Variants in HMGA2 observed in about 807,000 individuals in gnomAD.
HMGA2 encodes the protein high mobility group protein HMGI-C.
Under a neutral mutation model 19.1 loss-of-function variants are expected in HMGA2, and 8 were observed. That is an observed-to-expected ratio of 0.42 (90% CI 0.25 to 0.76). The LOEUF (loss-of-function observed/expected upper bound fraction) is 0.76, where lower values mean the gene tolerates loss of function less well. Among genes scored for constraint, HMGA2 ranks in the 30% least tolerant of loss-of-function variants. HMGA2 has a pLI of 0.28. For synonymous variants in HMGA2, 60 were observed against 48.8 expected (o/e 1.23, Z -0.96); for missense variants, 109 against 136.3 (o/e 0.80, Z 1.00).
At position 65,827,978 on chromosome 12, in the gene HMGA2, A is replaced by AT. The variant is rs146235774; in HGVS notation, c.112-14dup. 1,270 of 1,491,558 alleles carry AT rather than the reference A, an allele frequency of 8.5e-4. 1 individual carries two copies. Among genetic ancestry groups the AT allele is most frequent in the Non-Finnish European group, 1.0e-3 (1,107 of 1,071,200 alleles). 92.4% of individuals were successfully genotyped at this position (1,491,558 alleles called of 1,614,324 possible). On this transcript the variant is annotated intron_variant, in intron 1 of 4. Transcript: ENST00000403681. Reference sequence around the variant, plus strand: ...TTTCAGACATTCTTGCCACAACAGCATTTTTTTTTCCCTCACAATTAGGAA... The same window carrying AT: ...TTTCAGACATTCTTGCCACAACAGCATTTTTTTTTTCCCTCACAATTAGGAA...
At chr12:65,930,880 A>C (rs1476802619) in intron 3 of HMGA2, among the ~76,000 whole-genome samples, 1 of 152,226 alleles carries the variant, frequency 6.6e-6, no homozygotes, top group African/African-American at 2.4e-5. Flanking sequence ...TATGTGTTAA[A>C]GTTTTGTAAT....
chr12:65,834,164 G>A (rs909183845), intron 2 of HMGA2, among the ~76,000 whole-genome samples: 1 of 152,170 alleles, frequency 6.6e-6, no homozygotes, highest in Non-Finnish European at 1.5e-5. Context: ...ACTACCATGT[G>A]CTGAATGTTC....
At chr12:65,924,909 G>A (rs564936140) in intron 3 of HMGA2, among the ~76,000 whole-genome samples, 260 of 152,192 alleles carry the variant, frequency 1.7e-3, no homozygotes, top group Non-Finnish European at 2.8e-3. Flanking sequence ...CTCTTCTGCC[G>A]TTCTGTCATA....
intron 3 of HMGA2, among the ~76,000 whole-genome samples, chr12:65,939,651 C>T (rs1033259081): frequency 5.3e-5 from 8 of 152,222 alleles, no homozygotes; most frequent in Middle Eastern, 3.4e-3. Context: ...ACACCACGCC[C>T]GGCCACATAC....
In HMGA2 at chr12:65,965,635, C is replaced by T. The variant is rs181750301; in HGVS notation, c.*2343C>T. ...CGTTAAATAAGCAAATAAACAGTGG[C>T]TCATAAAAATAAAAGTCGCATTCCA... On this transcript the variant is annotated 3_prime_UTR_variant, in exon 5 of 5. Transcript: ENST00000403681. 14 of 219,888 alleles carry T rather than the reference C, an allele frequency of 6.4e-5. No homozygotes were observed. In the Admixed American group the frequency reaches 7.5e-4, roughly 12 times the overall value. 13.6% of individuals were successfully genotyped at this position (219,888 alleles called of 1,614,324 possible). A position where few individuals can be genotyped will look rare whatever the true frequency, so the allele number is the denominator to read the frequency against.
At chr12:65,943,306 C>T (rs1876153315) in intron 3 of HMGA2, among the ~76,000 whole-genome samples, 1 of 152,136 alleles carries the variant, frequency 6.6e-6, no homozygotes, top group African/African-American at 2.4e-5. Context: ...TTTTAAAGGG[C>T]TTCCCATTGA....
At chr12:65,882,111 AC>A (rs1360594714) in intron 3 of HMGA2, 1 of 489,254 alleles carries the variant, frequency 2.0e-6, no homozygotes, top group Non-Finnish European at 3.8e-6. Context: ...GGCTGTACTG[AC>A]AAAAGCAACC....
At chr12:65,866,956 T>A (rs1218112552) in intron 3 of HMGA2, 3 of 456,694 alleles carry the variant, frequency 6.6e-6, no homozygotes, top group Admixed American at 2.3e-5. Flanking sequence ...ATCTTGACAC[T>A]GGTAGAGAGA....
At chr12:65,829,259 G>C (rs1870370232) in intron 2 of HMGA2, among the ~76,000 whole-genome samples, 1 of 152,064 alleles carries the variant, frequency 6.6e-6, no homozygotes. Flanking sequence ...GTTTTGAACA[G>C]AGTTGAGGAG....
Position 65,852,891 on chromosome 12 carries a change from T to C in HMGA2, c.249+14322T>C, listed in dbSNP as rs78257949. On this transcript the variant is annotated intron_variant, in intron 3 of 4. Coordinates refer to ENST00000403681, the MANE Select transcript of HMGA2 (RefSeq NM_003483.6). ...AAGAGACCTCTCCAGTAGTAGACAT[T>C]GAAGAGGAGGATTTTAGAATTCGTC... 3.5e-3 allele frequency among the ~76,000 whole-genome samples: 531 copies of C among 152,280 alleles called. 2 individuals are homozygous for C. Among genetic ancestry groups the C allele is most frequent in the Non-Finnish European group, 5.2e-3 (353 of 68,016 alleles).
chr12:65,854,436 T>C lies in HMGA2; in HGVS notation c.249+15867T>C, dbSNP rs562197912. 3.3e-5 allele frequency among the ~76,000 whole-genome samples: 5 copies of C among 152,322 alleles called. 1 individual carries two copies. In the South Asian group the frequency reaches 1.0e-3, roughly 32 times the overall value. The stretch of plus-strand genomic sequence containing the variant: ...CTGTAGAACAAGATCTCAATTAGGA[T>C]GTTGACATTCACACAATCCATTCAT... On this transcript the variant is annotated intron_variant, in intron 3 of 4. Transcript: ENST00000403681.
At chr12:65,939,647 C>A (rs753300971) in intron 3 of HMGA2, among the ~76,000 whole-genome samples, 4 of 152,204 alleles carry the variant, frequency 2.6e-5, no homozygotes, top group African/African-American at 9.6e-5. Context: ...TGAGACACCA[C>A]GCCCGGCCAC....
intron 3 of HMGA2, among the ~76,000 whole-genome samples, chr12:65,863,641 A>T (rs1169027548): frequency 6.6e-6 from 1 of 152,238 alleles, no homozygotes; most frequent in African/African-American, 2.4e-5. Flanking sequence ...GTAATTTGGG[A>T]TTCATTCACA....
chr12:65,892,396 C>G (rs1346816139), intron 3 of HMGA2, among the ~76,000 whole-genome samples: 2 of 152,184 alleles, frequency 1.3e-5, no homozygotes, highest in Non-Finnish European at 2.9e-5. Flanking sequence ...GAGTCACTCC[C>G]TGAATCAGAT....
chr12:65,892,395 C>T (rs1256862352), intron 3 of HMGA2, among the ~76,000 whole-genome samples: 1 of 152,144 alleles, frequency 6.6e-6, no homozygotes, highest in Admixed American at 6.5e-5. Flanking sequence ...TGAGTCACTC[C>T]CTGAATCAGA....
intron 3 of HMGA2, among the ~76,000 whole-genome samples, chr12:65,914,306 T>A (rs1308496556): frequency 6.6e-6 from 1 of 151,984 alleles, no homozygotes; most frequent in Non-Finnish European, 1.5e-5. Flanking sequence ...TGGAATACTA[T>A]GCAGCCATAA....
At chr12:65,849,867 TGCCACCACGCCTG>T (rs1262499881) in intron 3 of HMGA2, among the ~76,000 whole-genome samples, 1 of 150,872 alleles carries the variant, frequency 6.6e-6, no homozygotes, top group Non-Finnish European at 1.5e-5. Flanking sequence ...TACAGGTGCC[TGCCACCACGCCTG>T]GCTAATTTTT....
chr12:65,940,374 A>G (rs977273037), intron 3 of HMGA2, among the ~76,000 whole-genome samples: 14 of 152,158 alleles, frequency 9.2e-5, no homozygotes, highest in African/African-American at 3.4e-4. Flanking sequence ...TTTTCAGAGC[A>G]AAGCTGTTAC....
chr12:65,900,941 C>T lies in HMGA2; in HGVS notation c.250-50442C>T, dbSNP rs138016116. 3.1e-3 allele frequency among the ~76,000 whole-genome samples: 466 copies of T among 152,206 alleles called. 4 individuals are homozygous for T. The highest frequency in any genetic ancestry group is 7.2e-3 in the Admixed American group (110 of 15,290). On this transcript the variant is annotated intron_variant, in intron 3 of 4. Transcript: ENST00000403681. ...GTTTAAAAACAGGCAATGTGTAAAG[C>T]TCATCATTTCCAAGTTATTCTTCTG...
Sources: allele counts gnomAD v4.1 joint callset (sites outside exome capture counted in the v4.1 genomes callset), GRCh38; gene constraint gnomAD v4.1.1; transcripts MANE v1.5; gene names NCBI Gene and HGNC (gene_info 2026-07-23, HGNC 2026-07-21).